Variants in HBP1 observed in about 807,000 individuals in gnomAD.
HBP1 encodes HMG-box transcription factor 1, also known as HMG box-containing protein 1.
Under a neutral mutation model 62.6 loss-of-function variants are expected in HBP1, and 20 were observed. The ratio of observed to expected loss-of-function variants is 0.32; its 90% CI spans 0.22 to 0.46. The LOEUF is 0.46. HBP1 is among the 20% of genes least tolerant of loss of function. The probability of loss-of-function intolerance (pLI) is 1.00; values close to 1 mark genes in which losing one functional copy is unlikely to be tolerated. For missense variants in HBP1, 480 were observed against 611.8 expected (o/e 0.78, Z 2.27); for synonymous variants, 232 against 206.2 (o/e 1.12, Z -1.07).
Position 107,190,168 on chromosome 7 carries a change from T to C in HBP1, c.923-5T>C, listed in dbSNP as rs769175610. Reference sequence around the variant, plus strand: ...CATCCTTTATGCAACATTGTTTAACTTTAGGTTGGTCATCATTTTATCCAA... The same window carrying C: ...CATCCTTTATGCAACATTGTTTAACCTTAGGTTGGTCATCATTTTATCCAA... On this transcript the variant is annotated splice_region_variant and splice_polypyrimidine_tract_variant and intron_variant, in intron 7 of 10. Transcript: ENST00000222574. 3.1e-6 allele frequency: 5 copies of C among 1,604,514 alleles called. No individual in the cohort carries two copies. Among genetic ancestry groups the C allele is most frequent in the African/African-American group, 1.3e-5 (1 of 74,566 alleles).
intron 8 of HBP1, among the ~76,000 whole-genome samples, chr7:107,193,488 G>C (rs1490364939): frequency 6.6e-6 from 1 of 152,062 alleles, no homozygotes; most frequent in Non-Finnish European, 1.5e-5. Context: ...CCTCTGCCCT[G>C]TGTCTTATGT....
intron 9 of HBP1, among the ~76,000 whole-genome samples, chr7:107,197,458 T>G (rs1263873386): frequency 6.6e-6 from 1 of 152,134 alleles, no homozygotes; most frequent in Non-Finnish European, 1.5e-5. Flanking sequence ...AACTTCTGCC[T>G]TGTGGGTTCA....
At chr7:107,184,596 C>T (rs1221879759) in intron 3 of HBP1, among the ~76,000 whole-genome samples, 2 of 152,070 alleles carry the variant, frequency 1.3e-5, no homozygotes, top group East Asian at 1.9e-4. Context: ...CTGCAAGCTC[C>T]GCCTTCCGGG....
chr7:107,186,132 T>A (rs1016895305), intron 4 of HBP1, among the ~76,000 whole-genome samples, 190 bp downstream of exon 4: 1 of 151,866 alleles, frequency 6.6e-6, no homozygotes, highest in Non-Finnish European at 1.5e-5. Flanking sequence ...TCCAAAAACT[T>A]TGTTTTGTGT....
chr7:107,201,319 A>G (rs1798279348), intron 10 of HBP1, 95 bp from the exon 11 acceptor site: 1 of 711,100 alleles, frequency 1.4e-6, no homozygotes, highest in South Asian at 2.0e-5. Flanking sequence ...TTCTAATAGT[A>G]AATTTATAAA....
intron 1 of HBP1, among the ~76,000 whole-genome samples, chr7:107,177,201 C>T (rs1302928775): frequency 6.6e-6 from 1 of 152,110 alleles, no homozygotes; most frequent in Non-Finnish European, 1.5e-5. Context: ...GAGAGTAGGG[C>T]AGGTATCATT....
chr7:107,197,183 A>G (rs968817724), intron 9 of HBP1: 2 of 152,076 alleles, frequency 1.3e-5, no homozygotes, highest in South Asian at 2.1e-4. Flanking sequence ...CTCTCAAACC[A>G]GTCAAGTTCT....
intron 6 of HBP1, among the ~76,000 whole-genome samples, chr7:107,187,296 C>G (rs1797434363): frequency 6.6e-6 from 1 of 151,988 alleles, no homozygotes; most frequent in African/African-American, 2.4e-5. Context: ...ATAAACTAAC[C>G]AAAGCCTTGC....
intron 1 of HBP1, 102 bp from the exon 2 acceptor site, chr7:107,179,777 A>C: frequency 1.3e-6 from 1 of 745,232 alleles, no homozygotes; most frequent in East Asian, 2.6e-5. Context: ...GTCTCAAAAA[A>C]AAAACAAAAC....
At chr7:107,192,071 T>G (rs1457720984) in intron 8 of HBP1, among the ~76,000 whole-genome samples, 1 of 152,104 alleles carries the variant, frequency 6.6e-6, no homozygotes, top group African/African-American at 2.4e-5. Flanking sequence ...TGACAACATA[T>G]ATGAAATGTC....
In HBP1 at chr7:107,173,688, T is replaced by C. The variant is rs572406140; in HGVS notation, c.-16+4503T>C. ...CCTGTCTTAAGATTTTGTGGATATT[T>C]GCTTCTGGAAGTTTGCATACCAAAA... On this transcript the variant is annotated intron_variant, in intron 1 of 10. Coordinates refer to ENST00000222574, the MANE Select transcript of HBP1 (RefSeq NM_012257.4). 2.0e-5 allele frequency: 3 copies of C among 152,362 alleles called. No individual in the cohort carries two copies. In the East Asian group the frequency reaches 5.8e-4, roughly 29 times the overall value. 9.4% of individuals were successfully genotyped at this position (152,362 alleles called of 1,614,324 possible).
chr7:107,175,226 G>T (rs1796776810), intron 1 of HBP1, among the ~76,000 whole-genome samples: 1 of 151,966 alleles, frequency 6.6e-6, no homozygotes, highest in Non-Finnish European at 1.5e-5. Context: ...ATCATCAGTG[G>T]TTCTTCATTG....
At position 107,200,330 on chromosome 7, in the gene HBP1, T is replaced by C. The variant is rs751979604; in HGVS notation, c.1527+29T>C. 4 of 1,591,096 alleles carry C rather than the reference T, an allele frequency of 2.5e-6. No homozygotes were observed. The Admixed American group carries it at 6.8e-5, about 27-fold the overall frequency. On this transcript the variant is annotated intron_variant, in intron 10 of 10. Transcript: ENST00000222574. ...TGTTTCAATAAATAGTGTTTAAAAT[T>C]ATCTTGCCTTATCCGTGCAGGTGTA...
chr7:107,169,889 G>T (rs886566142), intron 1 of HBP1: 2 of 985,510 alleles, frequency 2.0e-6, no homozygotes, highest in Non-Finnish European at 2.4e-6. Flanking sequence ...GCACCGCTCT[G>T]TGTGACCCAA....
chr7:107,171,027 TATAACATATACATGTATAA>T (rs1562881766), intron 1 of HBP1, among the ~76,000 whole-genome samples: 3 of 140,334 alleles, frequency 2.1e-5, no homozygotes, highest in African/African-American at 8.1e-5. Context: ...ATATAAAATA[TATAACATATACATGTATAA>T]ATATATATAT....
chr7:107,172,831 A>G lies in HBP1; in HGVS notation c.-16+3646A>G, dbSNP rs143029611. ...TGGTCTTGAACTCCTGGCTCAAGCG[A>G]TCTTCCTGTCTTGGTCTCCCAAAGT... On this transcript the variant is annotated intron_variant, in intron 1 of 10. Coordinates refer to ENST00000222574, the MANE Select transcript of HBP1 (RefSeq NM_012257.4). Among the ~76,000 whole-genome samples the G allele has an allele frequency of 2.0e-3, 299 of 152,170 alleles. 2 individuals are homozygous for G. In the East Asian group the frequency reaches 0.022, roughly 11 times the overall value.
chr7:107,180,267 A>G (rs1229834122), intron 2 of HBP1, among the ~76,000 whole-genome samples: 1 of 152,228 alleles, frequency 6.6e-6, no homozygotes, highest in Admixed American at 6.5e-5. Flanking sequence ...GTAGACACTC[A>G]TTTACAGATT....
rs1220498483 is a variant in HBP1 at position 107,189,316 on chromosome 7, T to A, written c.790T>A (p.Leu264Met). 5.6e-6 allele frequency: 9 copies of A among 1,613,142 alleles called. No individual in the cohort carries two copies. The highest frequency in any genetic ancestry group is 7.6e-6 in the Non-Finnish European group (9 of 1,179,234). Reference sequence around the variant, plus strand: ...GGGCTATGGTTCTGATGGTCTAAAGTTGTTATCACATGAAGAAAGTGTATC... The same window carrying A: ...GGGCTATGGTTCTGATGGTCTAAAGATGTTATCACATGAAGAAAGTGTATC... ...HKGYGSDGLKLLSHEESVSFG... is the reference protein window; with the variant it reads ...HKGYGSDGLKMLSHEESVSFG... Residue 264 changes from leucine (L) to methionine (M), a missense_variant, in exon 7 of 11, where the codon TTG (leucine) becomes ATG (methionine). Physicochemically the swap from Leu to Met is conservative, Grantham distance 15. Transcript: ENST00000222574.
At chr7:107,181,054 A>G (rs982114881) in intron 2 of HBP1, among the ~76,000 whole-genome samples, 24 of 152,224 alleles carry the variant, frequency 1.6e-4, no homozygotes, top group Admixed American at 1.5e-3. Context: ...GGAAATAGCT[A>G]TATCAGCATG....
Sources: gnomAD v4.1 joint callset for allele counts (sites outside exome capture counted in the v4.1 genomes callset) on GRCh38, gnomAD v4.1.1 for gene constraint, MANE v1.5 for transcripts, NCBI Gene and HGNC (gene_info 2026-07-23, HGNC 2026-07-21) for gene names.